CACNA1I: variants seen among roughly 807,000 people sequenced by gnomAD.
CACNA1I encodes the protein calcium voltage-gated channel subunit alpha1 I.
In CACNA1I, 74 loss-of-function variants were observed where a neutral mutation model predicts 201.6. The ratio of observed to expected loss-of-function variants is 0.37; its 90% confidence interval spans 0.30 to 0.45. CACNA1I has a LOEUF of 0.45. Among genes scored for constraint, CACNA1I ranks in the 20% least tolerant of loss-of-function variants. The probability of loss-of-function intolerance (pLI) is 1.00; values close to 1 mark genes in which losing one functional copy is unlikely to be tolerated. For missense variants in CACNA1I, 2,346 were observed against 3,138.1 expected (o/e 0.75, Z 6.03); for synonymous variants, 1,431 against 1,345.2 (o/e 1.06, Z -1.40).
chr22:39,684,179 A>C lies in CACNA1I; in HGVS notation c.5831-123A>C, dbSNP rs1329193683. 2 of 735,162 alleles carry C rather than the reference A, an allele frequency of 2.7e-6. No homozygotes were observed. Among genetic ancestry groups the C allele is most frequent in the Non-Finnish European group, 4.6e-6 (2 of 433,830 alleles). The allele number at this position is 735,162 out of a possible 1,614,324, so 45.5% of individuals were successfully genotyped here. A position where few individuals can be genotyped will look rare whatever the true frequency, so the allele number is the denominator to read the frequency against. On this transcript the variant is annotated intron_variant, in intron 35 of 36. Transcript: ENST00000402142. The surrounding 1 kb of genome is among the most constrained non-coding windows in gnomAD (Gnocchi z 4.6). ...AGGGGGGACTTGTCCACAGTCTCACAGTCAGTTTATTAGGTGGCCCCTCAC... is the reference window on the plus strand; with the variant it reads ...AGGGGGGACTTGTCCACAGTCTCACCGTCAGTTTATTAGGTGGCCCCTCAC...
At position 39,666,153 on chromosome 22, in the gene CACNA1I, G is replaced by C. The variant is rs1935187834; in HGVS notation, c.4104+147G>C. On this transcript the variant is annotated intron_variant, in intron 23 of 36. Coordinates refer to ENST00000402142, the MANE Select transcript of CACNA1I (RefSeq NM_021096.4). This position sits in a 1 kb window ranked among gnomAD's most constrained non-coding sequence, Gnocchi z 4.1. ...GCCTCAGTTTCCTCTTCTGCAAAATGGGTAAGGGTAGCACTCACCTCTCAG... is the reference window on the plus strand; with the variant it reads ...GCCTCAGTTTCCTCTTCTGCAAAATCGGTAAGGGTAGCACTCACCTCTCAG... 1 of 1,049,568 alleles carries C rather than the reference G, an allele frequency of 9.5e-7. No individual in the cohort carries two copies. Among genetic ancestry groups the C allele is most frequent in the Admixed American group, 2.2e-5 (1 of 45,354 alleles). The allele number at this position is 1,049,568 out of a possible 1,614,324, so 65.0% of individuals were successfully genotyped here. A position where few individuals can be genotyped will look rare whatever the true frequency, so the allele number is the denominator to read the frequency against.
At chr22:39,595,968 T>C (rs1257688954) in intron 1 of CACNA1I, among the ~76,000 whole-genome samples, 2 of 149,008 alleles carry the variant, frequency 1.3e-5, no homozygotes, top group Non-Finnish European at 1.5e-5. Context: ...GTGATGAGGT[T>C]GGGTGGAGAC....
Position 39,677,995 on chromosome 22 carries a change from G to A in CACNA1I, c.4942G>A (p.Asp1648Asn), listed in dbSNP as rs375247710. 6 of 1,591,206 alleles carry A rather than the reference G, an allele frequency of 3.8e-6. No individual in the cohort carries two copies. The highest frequency in any genetic ancestry group is 1.3e-5 in the African/African-American group (1 of 74,416). The stretch of plus-strand genomic sequence containing the variant: ...CTCCTCCCCGCTTCCAGTCTGCAAC[G>A]ACGAGAACCCGTGCGAGGGCATGAG... Reference protein sequence around the residue: ...VELFGKLVCNDENPCEGMSRH... With the variant: ...VELFGKLVCNNENPCEGMSRH... The change falls in exon 31 of 37, where the codon GAC becomes AAC. Residue 1648 changes from aspartate (D) to asparagine (N), a missense_variant. By Grantham distance (23) the Asp-to-Asn change is conservative. Around this residue, in one of 13 missense-constraint regions of CACNA1I, gnomAD observed 50 missense variants for 43.6 expected, o/e 1.15. Transcript: ENST00000402142. The surrounding 1 kb of genome is among the most constrained non-coding windows in gnomAD (Gnocchi z 4.8).
At chr22:39,593,580 G>A (rs1601801695) in intron 1 of CACNA1I, among the ~76,000 whole-genome samples, 2 of 152,292 alleles carry the variant, frequency 1.3e-5, no homozygotes, top group East Asian at 3.9e-4. Context: ...AGGCCAGTGA[G>A]TGATAAGACT....
intron 1 of CACNA1I, among the ~76,000 whole-genome samples, chr22:39,592,579 G>A (rs1307412526): frequency 3.3e-5 from 5 of 152,200 alleles, no homozygotes; most frequent in Admixed American, 6.5e-5. Flanking sequence ...GCTGGGCCTT[G>A]GATGCCCGTC....
At position 39,658,226 on chromosome 22, in the gene CACNA1I, G is replaced by A. The variant is rs1475158217; in HGVS notation, c.2067G>A (p.Leu689=). The A allele has an allele frequency of 6.2e-7, 1 of 1,613,976 alleles. No individual in the cohort carries two copies. The highest frequency in any genetic ancestry group is 2.2e-5 in the East Asian group (1 of 44,878). The change falls in exon 11 of 37, where the codon CTG becomes CTA. Residue 689 remains leucine, a synonymous_variant. Coordinates refer to ENST00000402142, the MANE Select transcript of CACNA1I (RefSeq NM_021096.4). ...GCATGTTTGCCCTGGAGATGATCCT[G>A]AAGCTGGCTGCATTTGGGCTCTTCG... ...FTSMFALEMI[L]KLAAFGLFDY...
chr22:39,583,801 C>T (rs901522848), intron 1 of CACNA1I, among the ~76,000 whole-genome samples: 1 of 152,260 alleles, frequency 6.6e-6, no homozygotes, highest in African/African-American at 2.4e-5. Flanking sequence ...GGCTTATTCT[C>T]CTCACCTTCT....
chr22:39,662,790 C>T lies in CACNA1I; in HGVS notation c.3387C>T (p.Arg1129=), dbSNP rs370466557. 6.0e-5 allele frequency: 95 copies of T among 1,590,414 alleles called. 1 individual carries two copies. In the South Asian group the frequency reaches 6.9e-4, roughly 12 times the overall value. The change falls in exon 18 of 37, where the codon CGC becomes CGT. Residue 1129 remains arginine (R), a synonymous_variant. Coordinates refer to ENST00000402142, the MANE Select transcript of CACNA1I (RefSeq NM_021096.4). ...CCTCTTGCTAGACCCTGTGCTTCCG[C>T]GTCCGCAAGATGATCGACGTCTATA... ...EEEIDYTLCF[R]VRKMIDVYKP...
intron 5 of CACNA1I, among the ~76,000 whole-genome samples, chr22:39,635,863 C>T (rs1341212671): frequency 6.6e-6 from 1 of 152,302 alleles, no homozygotes; most frequent in Middle Eastern, 3.4e-3. Context: ...CTCCTAGAGG[C>T]CTTCCCTCGC....
chr22:39,612,285 C>T (rs1933406399), intron 3 of CACNA1I, among the ~76,000 whole-genome samples: 1 of 152,172 alleles, frequency 6.6e-6, no homozygotes, highest in Admixed American at 6.5e-5. Flanking sequence ...TTGGACTTCC[C>T]AGCCTCCAGA....
intron 1 of CACNA1I, among the ~76,000 whole-genome samples, chr22:39,582,185 C>T (rs1932576249): frequency 6.6e-6 from 1 of 152,164 alleles, no homozygotes; most frequent in Non-Finnish European, 1.5e-5. Flanking sequence ...TTGACTCTCC[C>T]CAAGGTACAG....
intron 3 of CACNA1I, among the ~76,000 whole-genome samples, chr22:39,610,274 G>A (rs1165345988): frequency 6.6e-6 from 1 of 152,124 alleles, no homozygotes; most frequent in Non-Finnish European, 1.5e-5. Context: ...CAGAGCCGTG[G>A]AGGCATCATT....
chr22:39,667,011 G>C (rs1195029613), intron 23 of CACNA1I, among the ~76,000 whole-genome samples: 1 of 152,228 alleles, frequency 6.6e-6, no homozygotes, highest in African/African-American at 2.4e-5. Context: ...GGGTCTGCCT[G>C]GCTCTCCTGG....
Position 39,658,980 on chromosome 22 carries a change from A to G in CACNA1I, c.2194A>G (p.Thr732Ala). Residue 732 changes from threonine to alanine, a missense_variant, in exon 12 of 37, where the codon ACC (threonine) becomes GCC (alanine). Around this residue, in one of 13 missense-constraint regions of CACNA1I, gnomAD observed 155 missense variants for 300.8 expected, o/e 0.52. Transcript: ENST00000402142. ...GGACGGTGGGCTGTCGGTGCTGCGG[A>G]CCTTCCGGCTGCTGCGCGTGCTGAA... is the stretch of plus-strand genomic sequence containing the variant. ...QADGGLSVLR[T>A]FRLLRVLKLV... 1 of 1,607,860 alleles carries G rather than the reference A, an allele frequency of 6.2e-7. No individual in the cohort carries two copies. The highest frequency in any genetic ancestry group is 8.5e-7 in the Non-Finnish European group (1 of 1,178,332).
In CACNA1I at chr22:39,585,296, C is replaced by G. The variant is rs1050565073; in HGVS notation, c.237-12855C>G. On this transcript the variant is annotated intron_variant, in intron 1 of 36. Transcript: ENST00000402142. ...CAGGCTGGTCTTGAACTCCTGACCTCAGGTGATCCACCCGCCTTGGCCTCC... is the reference window on the plus strand; with the variant it reads ...CAGGCTGGTCTTGAACTCCTGACCTGAGGTGATCCACCCGCCTTGGCCTCC... 2.6e-5 allele frequency among the ~76,000 whole-genome samples: 4 copies of G among 151,858 alleles called. No individual in the cohort carries two copies. The South Asian group carries it at 8.3e-4, about 32-fold the overall frequency.
chr22:39,626,340 G>A (rs994185511), intron 4 of CACNA1I, among the ~76,000 whole-genome samples: 1 of 152,244 alleles, frequency 6.6e-6, no homozygotes, highest in Non-Finnish European at 1.5e-5. Flanking sequence ...CGCAGGTGCT[G>A]CTGCTAGATA....
rs111945559 is a variant in CACNA1I at position 39,616,142 on chromosome 22, A to G, written c.483-3168A>G. Among the ~76,000 whole-genome samples the G allele has an allele frequency of 2.6e-5, 4 of 152,262 alleles. No individual in the cohort carries two copies. In the South Asian group the frequency reaches 6.2e-4, roughly 24 times the overall value. ...GGCGTGAAGGAAAGGGGCTGGGCCA[A>G]TGTGTTGCTCCAGGCCTGCCCTATT... On this transcript the variant is annotated intron_variant, in intron 3 of 36. Transcript: ENST00000402142.
chr22:39,597,307 G>A (rs2145824257), intron 1 of CACNA1I, among the ~76,000 whole-genome samples: 1 of 152,326 alleles, frequency 6.6e-6, no homozygotes, highest in Non-Finnish European at 1.5e-5. Flanking sequence ...ATAGACAGTG[G>A]CGGGACTGGA....
Position 39,684,328 on chromosome 22 carries a change from G to A in CACNA1I, c.5857G>A (p.Ala1953Thr). 1.9e-6 allele frequency: 3 copies of A among 1,613,516 alleles called. No homozygotes were observed. The South Asian group carries it at 3.3e-5, about 18-fold the overall frequency. ...QAPPSPFSPDASSPLLPMPAE... is the reference protein window; with the variant it reads ...QAPPSPFSPDTSSPLLPMPAE... ...ACCCCCAAGTCCCTTCTCCCCGGATGCCTCCAGCCCTCTCCTGCCCATGCC... is the reference window on the plus strand; with the variant it reads ...ACCCCCAAGTCCCTTCTCCCCGGATACCTCCAGCCCTCTCCTGCCCATGCC... The change falls in exon 36 of 37, where the codon GCC becomes ACC. Residue 1953 changes from alanine to threonine, a missense_variant. Coordinates refer to ENST00000402142, the MANE Select transcript of CACNA1I (RefSeq NM_021096.4). The surrounding 1 kb of genome is among the most constrained non-coding windows in gnomAD (Gnocchi z 4.6).
Sources: allele counts gnomAD v4.1 joint callset (sites outside exome capture counted in the v4.1 genomes callset), GRCh38; gene constraint gnomAD v4.1.1; regional missense constraint gnomAD v4.1.1; non-coding constraint Gnocchi (gnomAD v3.1); transcripts MANE v1.5; gene names NCBI Gene and HGNC (gene_info 2026-07-23, HGNC 2026-07-21).